Variants in DDX52 observed in about 807,000 individuals in gnomAD.
DDX52 encodes the protein DExD-box helicase 52.
Under a neutral mutation model 76.1 loss-of-function variants are expected in DDX52, and 59 were observed. That is an observed-to-expected ratio of 0.78 (90% CI 0.63 to 0.96). The LOEUF (loss-of-function observed/expected upper bound fraction) is 0.96, where lower values mean the gene tolerates loss of function less well. Ranked by LOEUF, DDX52 falls within the 40% of genes least tolerant of loss-of-function variation. The pLI is 0.00. For synonymous variants in DDX52, 231 were observed against 244.1 expected (o/e 0.95, Z 0.50); for missense variants, 707 against 703.9 (o/e 1.00, Z -0.05).
chr17:37,630,988 TAAAC>T (rs1251357165), intron 4 of DDX52: 1 of 152,162 alleles, frequency 6.6e-6, no homozygotes, highest in South Asian at 2.1e-4. Context: ...GAAACAATCT[TAAAC>T]AAAAATTAAA....
At chr17:37,614,423 C>G in intron 14 of DDX52, 70 bp from the exon 15 acceptor site, 1 of 1,453,146 alleles carries the variant, frequency 6.9e-7, no homozygotes, top group Non-Finnish European at 9.4e-7. Context: ...AACCCTACCA[C>G]CAGTTTAATA....
chr17:37,643,391 G>C lies in DDX52; in HGVS notation c.30C>G (p.Leu10=), dbSNP rs35498905. ...TCGTGTCGAATTTGGCCCCCGCGCC[G>C]AGCCGGCGAAAGAGATCGTGGACGT... MDVHDLFRR[L]GAGAKFDTRR... The change falls in exon 1 of 15, where the codon CTC becomes CTG. Residue 10 remains leucine (L), a synonymous_variant. Transcript: ENST00000617633. 0.031 allele frequency: 49,433 copies of C among 1,613,894 alleles called. 891 individuals carry two copies. The highest frequency in any genetic ancestry group is 0.037 in the Non-Finnish European group (43,688 of 1,179,832).
chr17:37,633,408 G>A lies in DDX52; in HGVS notation c.297C>T (p.Ser99=). The A allele has an allele frequency of 1.9e-6, 3 of 1,555,360 alleles. No homozygotes were observed. Among genetic ancestry groups the A allele is most frequent in the South Asian group, 1.3e-5 (1 of 78,152 alleles). The change falls in exon 3 of 15, where the codon TCC becomes TCT. Residue 99 remains serine (S), a synonymous_variant. Coordinates refer to ENST00000617633, the MANE Select transcript of DDX52 (RefSeq NM_007010.5). The stretch of plus-strand genomic sequence containing the variant: ...ACTGTATAGTAGCACCTTCTTCTTG[G>A]GAAGCAATTTCTAAAATATATTTTT... The part of the protein sequence containing the change: ...KRKTMTSEIA[S]QEEGATIQWM...
chr17:37,625,870 A>G, intron 8 of DDX52, 25 bp downstream of exon 8: 6 of 1,613,204 alleles, frequency 3.7e-6, no homozygotes, highest in Non-Finnish European at 5.1e-6. Flanking sequence ...AATCAGTGTG[A>G]TAATGTTGAG....
intron 1 of DDX52, chr17:37,642,593 T>C (rs1204641254): frequency 1.1e-5 from 4 of 363,832 alleles, no homozygotes; most frequent in Non-Finnish European, 2.0e-5. Flanking sequence ...ATAAGGTAAA[T>C]AGCAGTATTA....
chr17:37,625,313 G>C (rs1003515921), intron 8 of DDX52, among the ~76,000 whole-genome samples: 1 of 152,052 alleles, frequency 6.6e-6, no homozygotes, highest in Admixed American at 6.6e-5. Flanking sequence ...CTTATAAACA[G>C]GAATTTTAGG....
rs755634170 is a variant in DDX52 at position 37,626,023 on chromosome 17, AG to A, written c.1007del (p.Ala336ValfsTer48). 6.2e-7 allele frequency: 1 copy of A among 1,614,214 alleles called. No homozygotes were observed. The highest frequency in any genetic ancestry group is 2.2e-5 in the East Asian group (1 of 44,888). ...GGGATGTGCAGGCCAGGAAAATGGA[AG>A]CCAGCTGGTCTCTGAACCCAGTTTT... ...DGKTGFRDQL[A>X]SIFLACTSHK... On this transcript the variant is annotated frameshift_variant, in exon 8 of 15. Transcript: ENST00000617633. LOFTEE classifies it high-confidence loss of function.
intron 9 of DDX52, among the ~76,000 whole-genome samples, chr17:37,622,032 G>A (rs1264362740): frequency 3.3e-5 from 5 of 152,028 alleles, no homozygotes; most frequent in African/African-American, 1.2e-4. Flanking sequence ...CCCACAGGTG[G>A]TACTTCATCC....
At position 37,626,812 on chromosome 17, in the gene DDX52, T is replaced by C. The variant is rs767936567; in HGVS notation, c.908A>G (p.Asp303Gly). 1.9e-6 allele frequency: 3 copies of C among 1,611,868 alleles called. No individual in the cohort carries two copies. In the South Asian group the frequency reaches 3.3e-5, roughly 18 times the overall value. The change falls in exon 7 of 15, where the codon GAT (aspartate) becomes GGT (glycine). Residue 303 changes from aspartate (D) to glycine (G), a missense_variant. Asp to Gly is a moderately conservative substitution (Grantham distance 94, BLOSUM62 -1). Coordinates refer to ENST00000617633, the MANE Select transcript of DDX52 (RefSeq NM_007010.5). ...CCTTGCTAGGTCGATTCCGGGGGGATCTTGCTTTAATAAATAGATTAGTCG... is the reference window on the plus strand; with the variant it reads ...CCTTGCTAGGTCGATTCCGGGGGGACCTTGCTTTAATAAATAGATTAGTCG... Reference protein sequence around the residue: ...PNRLIYLLKQDPPGIDLASVE... With the variant: ...PNRLIYLLKQGPPGIDLASVE...
rs1430942364 is a variant in DDX52, at chr17:37,611,671, T to G, written c.*2625A>C. 1 of 139,832 alleles carries G rather than the reference T, an allele frequency of 7.2e-6. No homozygotes were observed. The highest frequency in any genetic ancestry group is 1.5e-5 in the Non-Finnish European group (1 of 64,922). The allele number at this position is 139,832 out of a possible 1,614,324, so 8.7% of individuals were successfully genotyped here. ...ATCACTTGAACCCAGGAGTCAGAGGTTGCAGTGAGCCGAGATCATGCCACT... is the reference window on the plus strand; with the variant it reads ...ATCACTTGAACCCAGGAGTCAGAGGGTGCAGTGAGCCGAGATCATGCCACT... On this transcript the variant is annotated 3_prime_UTR_variant, in exon 15 of 15. Transcript: ENST00000617633.
At chr17:37,620,760 T>G in intron 12 of DDX52, 113 bp downstream of exon 12, 2 of 1,088,332 alleles carry the variant, frequency 1.8e-6, no homozygotes, top group Non-Finnish European at 2.5e-6. Context: ...ACTAACACCA[T>G]TATCAGTAGA....
chr17:37,623,853 A>G (rs1272124348), intron 9 of DDX52, among the ~76,000 whole-genome samples: 1 of 152,044 alleles, frequency 6.6e-6, no homozygotes, highest in Non-Finnish European at 1.5e-5. Context: ...GGCTTAGGAG[A>G]TTTCTTGTAT....
At chr17:37,619,734 A>G (rs373219494) in intron 13 of DDX52, 34 bp downstream of exon 13, 14 of 1,574,404 alleles carry the variant, frequency 8.9e-6, no homozygotes, top group Admixed American at 1.9e-5. Context: ...ATACAAAGAG[A>G]CAGACAAAGA....
At chr17:37,636,967 CAT>C (rs2030958211) in intron 2 of DDX52, among the ~76,000 whole-genome samples, 1 of 152,168 alleles carries the variant, frequency 6.6e-6, no homozygotes, top group South Asian at 2.1e-4. Context: ...GCTTACACCA[CAT>C]ATATATTTTT....
At position 37,611,238 on chromosome 17, in the gene DDX52, A is replaced by G. The variant is rs1337759892; in HGVS notation, c.*3058T>C. On this transcript the variant is annotated 3_prime_UTR_variant, in exon 15 of 15. Transcript: ENST00000617633. The stretch of plus-strand genomic sequence containing the variant: ...TTGGTCAGCCACAGACAGCAGATAC[A>G]ATGGTGGGATGAGAAGTGGGGGTGG... 2 of 152,228 alleles carry G rather than the reference A, an allele frequency of 1.3e-5. No individual in the cohort carries two copies. The highest frequency in any genetic ancestry group is 6.5e-5 in the Admixed American group (1 of 15,276). 9.4% of individuals were successfully genotyped at this position (152,228 alleles called of 1,614,324 possible). A position where few individuals can be genotyped will look rare whatever the true frequency, so the allele number is the denominator to read the frequency against.
intron 5 of DDX52, among the ~76,000 whole-genome samples, chr17:37,629,092 G>A (rs539911740): frequency 4.5e-4 from 68 of 151,928 alleles, no homozygotes; most frequent in Admixed American, 1.0e-3. Flanking sequence ...GTGATGGTGC[G>A]CACCTGTAAT....
chr17:37,634,710 T>A (rs961637638), intron 2 of DDX52, among the ~76,000 whole-genome samples: 10 of 152,148 alleles, frequency 6.6e-5, no homozygotes, highest in African/African-American at 2.4e-4. Flanking sequence ...TCCCTCAATC[T>A]ATGAAGAACA....
At chr17:37,636,273 TAA>T (rs1330657000) in intron 2 of DDX52, among the ~76,000 whole-genome samples, 10 of 152,204 alleles carry the variant, frequency 6.6e-5, no homozygotes, top group Non-Finnish European at 1.3e-4. Flanking sequence ...GCTTACAATA[TAA>T]AGTTAGGTTT....
chr17:37,627,777 G>GT (rs973130423), intron 6 of DDX52, among the ~76,000 whole-genome samples: 8 of 150,952 alleles, frequency 5.3e-5, no homozygotes, highest in East Asian at 1.9e-4. Flanking sequence ...CGTTCTTTTT[G>GT]TTTTTTTTAA....
Sources: gnomAD v4.1 joint callset for allele counts (sites outside exome capture counted in the v4.1 genomes callset) on GRCh38, gnomAD v4.1.1 for gene constraint, MANE v1.5 for transcripts, NCBI Gene and HGNC (gene_info 2026-07-23, HGNC 2026-07-21) for gene names.